PGM5: variants seen among roughly 807,000 people sequenced by gnomAD.
PGM5 encodes the protein phosphoglucomutase-like protein 5.
Under a neutral mutation model 59.2 loss-of-function variants are expected in PGM5, and 23 were observed. The observed-to-expected ratio is 0.39, with a 90% CI of 0.28 to 0.55. The LOEUF is 0.55. PGM5 is among the 20% of genes least tolerant of loss of function. PGM5 has a pLI of 0.66. For missense variants in PGM5, 574 were observed against 748.3 expected, an observed-to-expected ratio of 0.77 and a Z score of 2.72; for synonymous variants, 214 against 286.0, an observed-to-expected ratio of 0.75 and a Z score of 2.54.
chr9:68,459,176 G>A lies in PGM5; in HGVS notation c.1044-5917G>A, dbSNP rs536759176. On this transcript the variant is annotated intron_variant, in intron 6 of 10. Coordinates refer to ENST00000396396, the MANE Select transcript of PGM5 (RefSeq NM_021965.4). ...AAACATGCACTTAGTCATAAACACTGCAGAGAGCTTTTTCTTTTAAATATA... is the reference window on the plus strand; with the variant it reads ...AAACATGCACTTAGTCATAAACACTACAGAGAGCTTTTTCTTTTAAATATA... Among the ~76,000 whole-genome samples the A allele has an allele frequency of 7.2e-5, 11 of 152,310 alleles. No individual in the cohort carries two copies. The East Asian group carries it at 1.3e-3, about 19-fold the overall frequency.
chr9:68,415,576 C>G (rs1823010697), intron 6 of PGM5, among the ~76,000 whole-genome samples: 1 of 130,992 alleles, frequency 7.6e-6, no homozygotes. Context: ...GCCAACTTTA[C>G]TTAGACATAA....
intron 10 of PGM5, among the ~76,000 whole-genome samples, chr9:68,519,651 TA>T (rs1008709955): frequency 1.7e-3 from 231 of 137,380 alleles, no homozygotes; most frequent in African/African-American, 5.2e-3. Context: ...TAAAGTATAA[TA>T]AAAAAAAATT....
intron 1 of PGM5, among the ~76,000 whole-genome samples, chr9:68,360,024 T>G (rs1261558131): frequency 6.6e-6 from 1 of 151,632 alleles, no homozygotes; most frequent in South Asian, 2.1e-4. Flanking sequence ...TTTGTGTTTT[T>G]ACTACTCATA....
At chr9:68,504,619 T>TG (rs1554688881) in intron 10 of PGM5, among the ~76,000 whole-genome samples, 1 of 152,214 alleles carries the variant, frequency 6.6e-6, no homozygotes, top group African/African-American at 2.4e-5. Context: ...AGGGTGTCCC[T>TG]GGCCACCTAA....
chr9:68,371,863 G>A (rs191456921), intron 1 of PGM5, among the ~76,000 whole-genome samples: 22 of 151,882 alleles, frequency 1.4e-4, no homozygotes, highest in African/African-American at 4.1e-4. Context: ...AGAAGAAGAC[G>A]TGAAAACAGA....
At chr9:68,434,316 CAAAAAAAAAAAA>C (rs71353054) in intron 6 of PGM5, among the ~76,000 whole-genome samples, 2 of 90,832 alleles carry the variant, frequency 2.2e-5, no homozygotes, top group African/African-American at 4.0e-5. Context: ...GACTCCGTCT[CAAAAAAAAAAAA>C]AAAAAAAAAA....
chr9:68,451,593 T>C (rs572097668), intron 6 of PGM5, among the ~76,000 whole-genome samples: 2 of 152,338 alleles, frequency 1.3e-5, no homozygotes, highest in South Asian at 4.1e-4. Context: ...CACCACCGAA[T>C]GCTTTTGCAC....
At chr9:68,461,690 A>G (rs1233498694) in intron 6 of PGM5, among the ~76,000 whole-genome samples, 3 of 152,040 alleles carry the variant, frequency 2.0e-5, no homozygotes, top group African/African-American at 7.2e-5. Context: ...ACCACACCAG[A>G]TGCTGGTGCC....
chr9:68,498,849 T>A, intron 9 of PGM5: 1 of 223,694 alleles, frequency 4.5e-6, no homozygotes, highest in South Asian at 6.2e-5. Flanking sequence ...TTGCCTGCTT[T>A]CACTTAATCC....
intron 9 of PGM5, among the ~76,000 whole-genome samples, chr9:68,487,463 T>TACAA (rs1824315530): frequency 7.1e-6 from 1 of 141,784 alleles, no homozygotes; most frequent in Admixed American, 7.1e-5. Context: ...CACACGCACA[T>TACAA]ACACACACAC....
intron 6 of PGM5, among the ~76,000 whole-genome samples, chr9:68,443,470 C>G (rs1367103071): frequency 2.0e-5 from 3 of 152,156 alleles, no homozygotes; most frequent in Admixed American, 2.0e-4. Flanking sequence ...ATTTATAAAA[C>G]AGAACACAGC....
intron 6 of PGM5, chr9:68,405,518 C>G (rs1563996116): frequency 6.6e-6 from 1 of 152,528 alleles, no homozygotes; most frequent in Non-Finnish European, 1.5e-5. Flanking sequence ...CAAATTGGAA[C>G]AGTGGTTCTT....
intron 6 of PGM5, among the ~76,000 whole-genome samples, chr9:68,418,192 G>T (rs1265127223): frequency 6.6e-6 from 1 of 152,096 alleles, no homozygotes; most frequent in Non-Finnish European, 1.5e-5. Flanking sequence ...TTGACTAAAG[G>T]TGTCTTGAGC....
At chr9:68,461,226 C>T (rs74556769) in intron 6 of PGM5, among the ~76,000 whole-genome samples, 5,056 of 152,100 alleles carry the variant, frequency 0.033, 247 homozygotes, top group African/African-American at 0.1. Flanking sequence ...CTGGGCTTGT[C>T]CACATCAAGC....
Position 68,499,803 on chromosome 9 carries a change from T to C in PGM5, c.1614+442T>C, listed in dbSNP as rs369278560. On this transcript the variant is annotated intron_variant, in intron 10 of 10. Coordinates refer to ENST00000396396, the MANE Select transcript of PGM5 (RefSeq NM_021965.4). Reference sequence around the variant, plus strand: ...GGGCTTTGTCTCTGAGATTGCTACATTGTCCACTCTGAGAGGAGAGGATAT... The same window carrying C: ...GGGCTTTGTCTCTGAGATTGCTACACTGTCCACTCTGAGAGGAGAGGATAT... Among the ~76,000 whole-genome samples, 82 of 152,316 alleles carry C rather than the reference T, an allele frequency of 5.4e-4. 1 individual carries two copies. In the South Asian group the frequency reaches 0.012, roughly 23 times the overall value.
chr9:68,493,329 T>C (rs143751844), intron 9 of PGM5, among the ~76,000 whole-genome samples: 9 of 152,342 alleles, frequency 5.9e-5, no homozygotes, highest in Non-Finnish European at 1.2e-4. Context: ...ATTTATCAGA[T>C]ACCTACTCTA....
Position 68,499,286 on chromosome 9 carries a change from T to G in PGM5, c.1539T>G (p.Ser513Arg), listed in dbSNP as rs144017764. 1,018 of 1,614,178 alleles carry G rather than the reference T, an allele frequency of 6.3e-4. 3 individuals are homozygous for G. The highest frequency in any genetic ancestry group is 6.3e-3 in the Middle Eastern group (38 of 6,062). ...SRLIFRLSSS[S>R]GVRATLRLYA... ...TCATCTTCCGGCTCAGTTCCTCCAG[T>G]GGTGTGCGGGCCACCCTCAGACTGT... is the stretch of plus-strand genomic sequence containing the variant. The change falls in exon 10 of 11, where the codon AGT becomes AGG. Residue 513 changes from serine (S) to arginine (R), a missense_variant. Coordinates refer to ENST00000396396, the MANE Select transcript of PGM5 (RefSeq NM_021965.4).
intron 1 of PGM5, among the ~76,000 whole-genome samples, chr9:68,369,385 A>G (rs143386324): frequency 1.9e-4 from 29 of 152,198 alleles, no homozygotes; most frequent in African/African-American, 7.0e-4. Context: ...ACCCACACCC[A>G]GGTAGACCCA....
intron 6 of PGM5, among the ~76,000 whole-genome samples, chr9:68,435,121 G>A (rs551324122): frequency 1.4e-4 from 21 of 152,188 alleles, no homozygotes; most frequent in Admixed American, 1.3e-3. Context: ...CACTTAGAGA[G>A]GCCTCCCTTG....
Sources: allele counts gnomAD v4.1 joint callset (sites outside exome capture counted in the v4.1 genomes callset), GRCh38; gene constraint gnomAD v4.1.1; transcripts MANE v1.5; gene names NCBI Gene and HGNC (gene_info 2026-07-23, HGNC 2026-07-21).